KCNQ3: variants seen among roughly 807,000 people sequenced by gnomAD.
The protein encoded by KCNQ3 is potassium voltage-gated channel subfamily Q member 3, also known as potassium voltage-gated channel subfamily KQT member 3.
Under a neutral mutation model 92.5 loss-of-function variants are expected in KCNQ3, and 30 were observed. The observed-to-expected ratio is 0.32, with a 90% CI of 0.24 to 0.44. The LOEUF is 0.44. Among genes scored for constraint, KCNQ3 ranks in the 20% least tolerant of loss-of-function variants. The pLI, the probability that KCNQ3 is intolerant of heterozygous loss-of-function variation, is 1.00. For missense variants in KCNQ3, 913 were observed against 1,140.3 expected (o/e 0.80, Z 2.87); for synonymous variants, 450 against 468.8 (o/e 0.96, Z 0.52).
intron 1 of KCNQ3, among the ~76,000 whole-genome samples, chr8:132,446,842 C>G (rs1349828336): frequency 1.3e-5 from 2 of 152,156 alleles, no homozygotes; most frequent in East Asian, 1.9e-4. Context: ...GCCTCCCAAA[C>G]AGAAATCAGG....
intron 1 of KCNQ3, among the ~76,000 whole-genome samples, chr8:132,315,315 G>A (rs1817710666): frequency 6.6e-6 from 1 of 152,172 alleles, no homozygotes; most frequent in Admixed American, 6.5e-5. Context: ...AAAAAGGTGA[G>A]GGTGAGGTGT....
intron 1 of KCNQ3, among the ~76,000 whole-genome samples, chr8:132,367,581 G>C (rs1362301248): frequency 6.6e-6 from 1 of 152,294 alleles, no homozygotes; most frequent in East Asian, 1.9e-4. Context: ...ATACAAAACA[G>C]TTTTCCCTAC....
intron 1 of KCNQ3, among the ~76,000 whole-genome samples, chr8:132,250,333 G>C (rs1173216931): frequency 6.6e-6 from 1 of 152,164 alleles, no homozygotes; most frequent in Non-Finnish European, 1.5e-5. Context: ...TGAGCCTCTG[G>C]ACTCAACCTG....
chr8:132,158,714 TGG>T (rs1825885925), intron 9 of KCNQ3, among the ~76,000 whole-genome samples: 1 of 152,128 alleles, frequency 6.6e-6, no homozygotes, highest in Non-Finnish European at 1.5e-5. Context: ...ATCTATAAAA[TGG>T]GGATTAAAAA....
chr8:132,250,845 A>G (rs897499230), intron 1 of KCNQ3, among the ~76,000 whole-genome samples: 3 of 152,178 alleles, frequency 2.0e-5, no homozygotes, highest in Non-Finnish European at 4.4e-5. Flanking sequence ...CCTACCCACT[A>G]TCTCCCAAAA....
At chr8:132,397,812 T>A (rs537491344) in intron 1 of KCNQ3, among the ~76,000 whole-genome samples, 69 of 152,314 alleles carry the variant, frequency 4.5e-4, no homozygotes, top group African/African-American at 1.6e-3. Flanking sequence ...AAGGTTGTTA[T>A]CTCACTTCAA....
intron 1 of KCNQ3, among the ~76,000 whole-genome samples, chr8:132,362,798 C>A (rs1414621628): frequency 6.6e-6 from 1 of 152,122 alleles, no homozygotes; most frequent in Non-Finnish European, 1.5e-5. Context: ...AGAGTCACAG[C>A]TGGTAGGAAA....
intron 1 of KCNQ3, among the ~76,000 whole-genome samples, chr8:132,324,780 G>C (rs1388647170): frequency 1.3e-5 from 2 of 152,148 alleles, no homozygotes; most frequent in East Asian, 1.9e-4. Flanking sequence ...GTCTCCCAGT[G>C]AGCTAGTGAT....
chr8:132,454,685 G>A (rs1821899500), intron 1 of KCNQ3, among the ~76,000 whole-genome samples: 1 of 152,130 alleles, frequency 6.6e-6, no homozygotes, highest in Non-Finnish European at 1.5e-5. Context: ...TGGGCTTGAG[G>A]AGCCAGAGAA....
At chr8:132,354,075 T>C (rs1202790020) in intron 1 of KCNQ3, among the ~76,000 whole-genome samples, 6 of 152,210 alleles carry the variant, frequency 3.9e-5, no homozygotes, top group African/African-American at 9.6e-5. Flanking sequence ...GGAGCTTGAA[T>C]AGCGAACCTT....
intron 1 of KCNQ3, among the ~76,000 whole-genome samples, chr8:132,304,914 C>G (rs1227623787): frequency 2.0e-5 from 3 of 151,856 alleles, no homozygotes; most frequent in Non-Finnish European, 2.9e-5. Flanking sequence ...GAATTAATAT[C>G]GATTGGGAAA....
intron 1 of KCNQ3, among the ~76,000 whole-genome samples, chr8:132,357,399 A>C (rs1255607331): frequency 6.6e-6 from 1 of 152,158 alleles, no homozygotes; most frequent in Non-Finnish European, 1.5e-5. Context: ...GATACTGAAA[A>C]ATCTTCCATA....
chr8:132,407,214 CCTT>C (rs748359566), intron 1 of KCNQ3, among the ~76,000 whole-genome samples: 1 of 152,180 alleles, frequency 6.6e-6, no homozygotes, highest in Non-Finnish European at 1.5e-5. Context: ...AAAGAGCCCT[CCTT>C]CAGGCCAGCG....
chr8:132,396,938 T>TTGTG (rs529554033), intron 1 of KCNQ3, among the ~76,000 whole-genome samples: 13 of 146,874 alleles, frequency 8.9e-5, no homozygotes, highest in Admixed American at 2.7e-4. Context: ...GGGATAAAAA[T>TTGTG]TGTGTGTGTG....
intron 1 of KCNQ3, among the ~76,000 whole-genome samples, chr8:132,190,709 G>T (rs1827130341): frequency 6.6e-6 from 1 of 152,214 alleles, no homozygotes; most frequent in Admixed American, 6.5e-5. Flanking sequence ...ACCCAGTTAA[G>T]CCATGTTCAT....
rs773993902 is a variant in KCNQ3 at position 132,314,319 on chromosome 8, G to A, written c.387-128138C>T. ...GGAATAAAAGTCCCGACATTAAGTC[G>A]TCAGGTCTAGAGGAAGACAGACAAA... On this transcript the variant is annotated intron_variant, in intron 1 of 14. Transcript: ENST00000388996. 5.6e-4 allele frequency among the ~76,000 whole-genome samples: 85 copies of A among 152,232 alleles called. 1 individual carries two copies. Among genetic ancestry groups the A allele is most frequent in the Non-Finnish European group, 2.9e-4 (20 of 68,012 alleles).
chr8:132,357,162 T>C (rs1739683278), intron 1 of KCNQ3, among the ~76,000 whole-genome samples: 2 of 152,236 alleles, frequency 1.3e-5, no homozygotes, highest in African/African-American at 4.8e-5. Flanking sequence ...AGTCAGACCA[T>C]GTGGCATTAG....
chr8:132,333,736 A>AT (rs5895137), intron 1 of KCNQ3, among the ~76,000 whole-genome samples: 261 of 145,360 alleles, frequency 1.8e-3, no homozygotes, highest in Admixed American at 2.2e-3. Context: ...TATGAAACAA[A>AT]TTTTTTTTTT....
In KCNQ3 at chr8:132,126,124, A is replaced by T. The variant is rs1408521501; in HGVS notation, c.*3138T>A. 1 of 152,220 alleles carries T rather than the reference A, an allele frequency of 6.6e-6. No individual in the cohort carries two copies. The highest frequency in any genetic ancestry group is 1.5e-5 in the Non-Finnish European group (1 of 68,044). 9.4% of individuals were successfully genotyped at this position (152,220 alleles called of 1,614,324 possible). A position where few individuals can be genotyped will look rare whatever the true frequency, so the allele number is the denominator to read the frequency against. ...AATACATACATGAGATCATAGTTTT[A>T]CCTGATAATATCACTCCTAGTTTGA... is the stretch of plus-strand genomic sequence containing the variant. On this transcript the variant is annotated 3_prime_UTR_variant, in exon 15 of 15. Coordinates refer to ENST00000388996, the MANE Select transcript of KCNQ3 (RefSeq NM_004519.4).
Sources: allele counts gnomAD v4.1 joint callset (sites outside exome capture counted in the v4.1 genomes callset), GRCh38; gene constraint gnomAD v4.1.1; transcripts MANE v1.5; gene names NCBI Gene and HGNC (gene_info 2026-07-23, HGNC 2026-07-21).